Variants in NEK3 observed in about 807,000 individuals in gnomAD.
NEK3 encodes the protein serine/threonine-protein kinase Nek3.
NEK3 carries 54 observed loss-of-function variants against 66.0 expected under a neutral mutation model. The observed-to-expected ratio is 0.82, with a 90% CI of 0.66 to 1.03. NEK3 has a LOEUF of 1.03. NEK3 is among the 50% of genes least tolerant of loss of function. The pLI is 0.00. For missense variants in NEK3, 593 were observed against 603.0 expected (o/e 0.98, Z 0.17); for synonymous variants, 200 against 206.2 (o/e 0.97, Z 0.26).
chr13:52,152,956 T>C (rs1956359874), intron 4 of NEK3, among the ~76,000 whole-genome samples: 1 of 152,208 alleles, frequency 6.6e-6, no homozygotes, highest in Non-Finnish European at 1.5e-5. Flanking sequence ...ATTATTCTTA[T>C]ATTCAACCAA....
chr13:52,136,387 G>A, intron 12 of NEK3, 128 bp from the exon 13 acceptor site: 1 of 962,676 alleles, frequency 1.0e-6, no homozygotes, highest in Non-Finnish European at 1.5e-6. Flanking sequence ...ATGTTTGAAA[G>A]ATCAATGTTC....
chr13:52,143,148 C>A (rs1956264763), intron 10 of NEK3, among the ~76,000 whole-genome samples: 1 of 152,106 alleles, frequency 6.6e-6, no homozygotes, highest in Non-Finnish European at 1.5e-5. Context: ...GAAACCCCAT[C>A]TCTACTAAAT....
At position 52,156,179 on chromosome 13, in the gene NEK3, T is replaced by G. The variant is rs564601652; in HGVS notation, c.13A>C (p.Met5Leu). 1 of 1,596,186 alleles carries G rather than the reference T, an allele frequency of 6.3e-7. No homozygotes were observed. The highest frequency in any genetic ancestry group is 1.3e-5 in the African/African-American group (1 of 74,750). Residue 5 changes from methionine (M) to leucine (L), a missense_variant, in exon 2 of 16, where the codon ATG (methionine) becomes CTG (leucine). Transcript: ENST00000610828. MDDYMVLRMIGEGSF... is the reference protein window; with the variant it reads MDDYLVLRMIGEGSF... The stretch of plus-strand genomic sequence containing the variant: ...CCCTCCCCAATCATTCTCAGGACCA[T>G]GTAGTCATCCATGCTGGGGCATCCA...
At chr13:52,134,609 GA>G (rs917546838) in intron 14 of NEK3, among the ~76,000 whole-genome samples, 11 of 152,218 alleles carry the variant, frequency 7.2e-5, no homozygotes, top group Middle Eastern at 3.4e-3. Context: ...AACATGGGCC[GA>G]ATCTTCTAAA....
At chr13:52,159,028 G>A (rs1332496337) in intron 1 of NEK3, among the ~76,000 whole-genome samples, 1 of 152,120 alleles carries the variant, frequency 6.6e-6, no homozygotes, top group Non-Finnish European at 1.5e-5. Context: ...AAGCTCTTGT[G>A]ATTTCATCCC....
chr13:52,147,151 T>C (rs1439676845), intron 8 of NEK3, among the ~76,000 whole-genome samples: 3 of 152,308 alleles, frequency 2.0e-5, no homozygotes, highest in East Asian at 3.9e-4. Flanking sequence ...AGGAAACTCA[T>C]ATAAGTGAAA....
intron 7 of NEK3, 142 bp downstream of exon 7, chr13:52,151,004 T>C: frequency 3.0e-6 from 2 of 659,286 alleles, no homozygotes; most frequent in African/African-American, 1.8e-5. Context: ...ATTCCAGATA[T>C]ATTTCTGCTT....
intron 7 of NEK3, among the ~76,000 whole-genome samples, chr13:52,149,776 G>A (rs1176307447): frequency 6.6e-6 from 1 of 151,832 alleles, no homozygotes; most frequent in African/African-American, 2.4e-5. Context: ...AGCTGAGGCA[G>A]GAGAATCACT....
Position 52,133,170 on chromosome 13 carries a change from G to C in NEK3, c.1493C>G (p.Ala498Gly), listed in dbSNP as rs1346788165. ...TCTGTCGCACAGGCCTTGCCATCCA[G>C]CTCGCTTCTTCAGCTCTGACACCCA... ...PDWVSELKKR[A>G]GWQGLCDR Residue 498 changes from alanine to glycine, a missense_variant, in exon 16 of 16, where the codon GCT (alanine) becomes GGT (glycine). Physicochemically the swap from Ala to Gly is moderately conservative, Grantham distance 60. Coordinates refer to ENST00000610828, the MANE Select transcript of NEK3 (RefSeq NM_002498.3). 5.0e-6 allele frequency: 8 copies of C among 1,610,908 alleles called. No individual in the cohort carries two copies. Among genetic ancestry groups the C allele is most frequent in the Non-Finnish European group, 6.8e-6 (8 of 1,178,854 alleles).
At chr13:52,155,490 A>T (rs1000472036) in intron 2 of NEK3, among the ~76,000 whole-genome samples, 6 of 152,236 alleles carry the variant, frequency 3.9e-5, no homozygotes, top group Non-Finnish European at 5.9e-5. Context: ...CAAAAGTGGT[A>T]GTTATTACCA....
intron 2 of NEK3, 69 bp from the exon 3 acceptor site, chr13:52,154,242 T>C: frequency 1.0e-6 from 1 of 970,982 alleles, no homozygotes; most frequent in East Asian, 2.6e-5. Context: ...TACAATAACA[T>C]GGTTTATATG....
chr13:52,136,126 C>G lies in NEK3; in HGVS notation c.1164G>C (p.Glu388Asp). The G allele has an allele frequency of 6.2e-7, 1 of 1,613,706 alleles. No individual in the cohort carries two copies. Among genetic ancestry groups the G allele is most frequent in the Non-Finnish European group, 8.5e-7 (1 of 1,179,718 alleles). Residue 388 changes from glutamate to aspartate, a missense_variant, in exon 13 of 16, where the codon GAG becomes GAC. Glu to Asp is a conservative substitution (Grantham distance 45). Coordinates refer to ENST00000610828, the MANE Select transcript of NEK3 (RefSeq NM_002498.3). The part of the protein sequence containing the change: ...ASILTSSLTA[E>D]DDRGGSVIKY... Reference sequence around the variant, plus strand: ...AATCTGACTACTAACCTCTATCGTCCTCTGCTGTTAAACTGGAGGTGAGTA... The same window carrying G: ...AATCTGACTACTAACCTCTATCGTCGTCTGCTGTTAAACTGGAGGTGAGTA...
chr13:52,150,528 T>C (rs937108387), intron 7 of NEK3, among the ~76,000 whole-genome samples: 6 of 152,186 alleles, frequency 3.9e-5, no homozygotes, highest in African/African-American at 1.4e-4. Context: ...GATTTCCATG[T>C]CCTTTCTTAC....
At chr13:52,155,303 G>T (rs1405046558) in intron 2 of NEK3, among the ~76,000 whole-genome samples, 4 of 152,078 alleles carry the variant, frequency 2.6e-5, no homozygotes, top group Non-Finnish European at 5.9e-5. Flanking sequence ...TCTTTCATAG[G>T]ACAACTATGA....
intron 8 of NEK3, among the ~76,000 whole-genome samples, chr13:52,146,900 G>T (rs889885197): frequency 6.6e-6 from 1 of 152,142 alleles, no homozygotes; most frequent in Admixed American, 6.5e-5. Flanking sequence ...TGAGCTCTAT[G>T]TGCCCTCAAG....
Position 52,133,029 on chromosome 13 carries a change from G to A in NEK3, c.*113C>T, listed in dbSNP as rs145497664. 237 of 845,330 alleles carry A rather than the reference G, an allele frequency of 2.8e-4. No individual in the cohort carries two copies. The African/African-American group carries it at 3.5e-3, about 12-fold the overall frequency. The allele number at this position is 845,330 out of a possible 1,614,324, so 52.4% of individuals were successfully genotyped here. ...ATTTTAAGTATTAAGAGTTTCCTCT[G>A]CTTCATTCTGTTTCCAAAGGAAAAT... is the stretch of plus-strand genomic sequence containing the variant. On this transcript the variant is annotated 3_prime_UTR_variant, in exon 16 of 16. Coordinates refer to ENST00000610828, the MANE Select transcript of NEK3 (RefSeq NM_002498.3).
In NEK3 at chr13:52,136,822, T is replaced by TC; in HGVS notation, c.1007dup (p.Arg337LysfsTer9). 1.9e-6 allele frequency: 3 copies of TC among 1,563,958 alleles called. No homozygotes were observed. The highest frequency in any genetic ancestry group is 2.6e-6 in the Non-Finnish European group (3 of 1,152,354). On this transcript the variant is annotated frameshift_variant, in exon 12 of 16. Transcript: ENST00000610828. LOFTEE classifies it high-confidence loss of function. Reference sequence around the variant, plus strand: ...TACCTTTTTCTTCTCTGTTTACTCTTCTCAATGCACTTTCAACTAAATTTT... The same window carrying TC: ...TACCTTTTTCTTCTCTGTTTACTCTTCCTCAATGCACTTTCAACTAAATTTT...
At chr13:52,157,292 G>A (rs1415620063) in intron 1 of NEK3, 3 of 152,192 alleles carry the variant, frequency 2.0e-5, no homozygotes, top group Non-Finnish European at 4.4e-5. Context: ...GAAAAGGCAG[G>A]AAAATAATGA....
intron 8 of NEK3, 34 bp from the exon 9 acceptor site, chr13:52,144,925 C>T (rs1371538099): frequency 2.8e-6 from 4 of 1,434,848 alleles, no homozygotes; most frequent in East Asian, 4.8e-5. Flanking sequence ...CAAGCAGATA[C>T]AGGGGAAGAA....
Sources: allele counts gnomAD v4.1 joint callset (sites outside exome capture counted in the v4.1 genomes callset), GRCh38; gene constraint gnomAD v4.1.1; transcripts MANE v1.5; gene names NCBI Gene and HGNC (gene_info 2026-07-23, HGNC 2026-07-21).